SCD5: variants seen among roughly 807,000 people sequenced by gnomAD.
SCD5 encodes the protein stearoyl-CoA desaturase 5.
In SCD5, 20 loss-of-function variants were observed where a neutral mutation model predicts 30.4. The ratio of observed to expected loss-of-function variants is 0.66; its 90% CI spans 0.46 to 0.96. The LOEUF is 0.96. Among genes scored for constraint, SCD5 ranks in the 40% least tolerant of loss-of-function variants. SCD5 has a pLI of 0.00. For synonymous variants in SCD5, 173 were observed against 176.4 expected (o/e 0.98, Z 0.16); for missense variants, 381 against 443.3 (o/e 0.86, Z 1.26).
In SCD5 at chr4:82,715,324, C is replaced by T. The variant is rs549406189; in HGVS notation, c.233-9911G>A. Among the ~76,000 whole-genome samples, 7 of 151,478 alleles carry T rather than the reference C, an allele frequency of 4.6e-5. No individual in the cohort carries two copies. In the South Asian group the frequency reaches 1.2e-3, roughly 27 times the overall value. ...AGTGATAATGAGCGGAAATGGAAGA[C>T]GTTGGGCTGAGTATTCTCCATGCAC... On this transcript the variant is annotated intron_variant, in intron 1 of 4. Transcript: ENST00000319540.
intron 1 of SCD5, among the ~76,000 whole-genome samples, chr4:82,723,332 C>T (rs1321829892): frequency 6.6e-6 from 1 of 152,142 alleles, no homozygotes; most frequent in African/African-American, 2.4e-5. Context: ...GTTCTTTTCA[C>T]AAATCCCTAA....
intron 1 of SCD5, among the ~76,000 whole-genome samples, chr4:82,770,313 T>C (rs191712649): frequency 8.1e-4 from 124 of 152,324 alleles, no homozygotes; most frequent in African/African-American, 2.9e-3. Context: ...AGAATATTCA[T>C]GACATTTTCC....
intron 1 of SCD5, among the ~76,000 whole-genome samples, chr4:82,712,299 T>TACA (rs1560540883): frequency 1.9e-4 from 6 of 31,988 alleles, no homozygotes; most frequent in Non-Finnish European, 3.9e-4. Flanking sequence ...TATATATATT[T>TACA]TATTTTTATT....
intron 3 of SCD5, among the ~76,000 whole-genome samples, chr4:82,640,970 C>T (rs1404953045): frequency 2.0e-5 from 3 of 152,214 alleles, no homozygotes; most frequent in Non-Finnish European, 4.4e-5. Context: ...TTCAACTACA[C>T]AACGCCTTCT....
chr4:82,761,042 T>G (rs1447425647), intron 1 of SCD5, among the ~76,000 whole-genome samples: 6 of 152,224 alleles, frequency 3.9e-5, no homozygotes, highest in African/African-American at 1.4e-4. Flanking sequence ...TTCACAGGGA[T>G]GGGCATGTAT....
At chr4:82,643,130 G>A (rs1352652277) in intron 3 of SCD5, among the ~76,000 whole-genome samples, 1 of 152,208 alleles carries the variant, frequency 6.6e-6, no homozygotes, top group Non-Finnish European at 1.5e-5. Flanking sequence ...TAGCAAGGAT[G>A]TAGAAATACT....
At chr4:82,751,190 G>A (rs1367850029) in intron 1 of SCD5, among the ~76,000 whole-genome samples, 1 of 152,158 alleles carries the variant, frequency 6.6e-6, no homozygotes, top group Non-Finnish European at 1.5e-5. Flanking sequence ...CAGAACAGGA[G>A]TTTTTCATTT....
At chr4:82,662,328 C>G (rs1728030984) in intron 3 of SCD5, among the ~76,000 whole-genome samples, 1 of 152,100 alleles carries the variant, frequency 6.6e-6, no homozygotes, top group African/African-American at 2.4e-5. Flanking sequence ...GCTGGGATAA[C>G]AAGCATGAGC....
At chr4:82,646,068 T>C (rs1019049425) in intron 3 of SCD5, among the ~76,000 whole-genome samples, 1 of 152,122 alleles carries the variant, frequency 6.6e-6, no homozygotes, top group Non-Finnish European at 1.5e-5. Flanking sequence ...GGGGCCAGCC[T>C]GAGGAAATGT....
intron 1 of SCD5, among the ~76,000 whole-genome samples, chr4:82,715,647 C>T (rs896810337): frequency 2.8e-5 from 4 of 140,440 alleles, no homozygotes; most frequent in Non-Finnish European, 6.0e-5. Context: ...ACTGACAAGA[C>T]AGGGGTCATA....
chr4:82,660,404 A>G, intron 3 of SCD5: 1 of 812,748 alleles, frequency 1.2e-6, no homozygotes, highest in Non-Finnish European at 1.5e-6. Flanking sequence ...TCTGGAAATG[A>G]TAGCTTAAAC....
At position 82,798,748 on chromosome 4, in the gene SCD5, T is replaced by C. The variant is rs1560567110; in HGVS notation, c.-211A>G. On this transcript the variant is annotated 5_prime_UTR_variant, in exon 1 of 5. Transcript: ENST00000319540. ...TGCAGATCTTGGCGGCCGGCGTCTG[T>C]TGCTGGCGTATCCCCCATATGGCTG... 8 of 540,784 alleles carry C rather than the reference T, an allele frequency of 1.5e-5. No homozygotes were observed. The highest frequency in any genetic ancestry group is 1.0e-4 in the South Asian group (4 of 40,190). 33.5% of individuals were successfully genotyped at this position (540,784 alleles called of 1,614,324 possible). A position where few individuals can be genotyped will look rare whatever the true frequency, so the allele number is the denominator to read the frequency against.
At chr4:82,727,349 G>A (rs1453742805) in intron 1 of SCD5, among the ~76,000 whole-genome samples, 1 of 152,124 alleles carries the variant, frequency 6.6e-6, no homozygotes, top group Non-Finnish European at 1.5e-5. Flanking sequence ...TGTGTACCCT[G>A]GTCTACCCTT....
intron 1 of SCD5, among the ~76,000 whole-genome samples, chr4:82,712,604 C>T (rs1720136253): frequency 6.6e-6 from 1 of 152,002 alleles, no homozygotes; most frequent in South Asian, 2.1e-4. Context: ...GCGTGAGCCA[C>T]CACACCTGGC....
Position 82,791,063 on chromosome 4 carries a change from C to A in SCD5, c.232+7243G>T, listed in dbSNP as rs528153043. Among the ~76,000 whole-genome samples the A allele has an allele frequency of 7.9e-5, 12 of 152,220 alleles. No individual in the cohort carries two copies. In the South Asian group the frequency reaches 2.1e-3, roughly 26 times the overall value. ...GACCATCCTGGCCAACACGGTGAAA[C>A]CCCATCTCTACTAAAAATAAAAAAA... is the stretch of plus-strand genomic sequence containing the variant. On this transcript the variant is annotated intron_variant, in intron 1 of 4. Coordinates refer to ENST00000319540, the MANE Select transcript of SCD5 (RefSeq NM_001037582.3).
chr4:82,718,881 A>G (rs1720292227), intron 1 of SCD5, among the ~76,000 whole-genome samples: 1 of 151,582 alleles, frequency 6.6e-6, no homozygotes, highest in Non-Finnish European at 1.5e-5. Context: ...GTTCTTATGC[A>G]TAAATTCCAA....
Position 82,666,426 on chromosome 4 carries a change from G to A in SCD5, c.569+14281C>T, listed in dbSNP as rs1328435199. Among the ~76,000 whole-genome samples, 4 of 152,170 alleles carry A rather than the reference G, an allele frequency of 2.6e-5. No homozygotes were observed. In the East Asian group the frequency reaches 7.7e-4, roughly 29 times the overall value. On this transcript the variant is annotated intron_variant, in intron 3 of 4. Transcript: ENST00000319540. ...ACCTACTCGGGAGGCTGAGGCAGGAGAATGGCGTGAACCCGGGAGGCGGAG... is the reference window on the plus strand; with the variant it reads ...ACCTACTCGGGAGGCTGAGGCAGGAAAATGGCGTGAACCCGGGAGGCGGAG...
intron 1 of SCD5, among the ~76,000 whole-genome samples, chr4:82,745,663 C>T (rs768102318): frequency 6.6e-6 from 1 of 152,198 alleles, no homozygotes; most frequent in East Asian, 1.9e-4. Context: ...TCTCCTCCCA[C>T]CCCTGCCCAA....
intron 1 of SCD5, among the ~76,000 whole-genome samples, chr4:82,771,874 T>C (rs1275686077): frequency 6.6e-6 from 1 of 152,206 alleles, no homozygotes; most frequent in African/African-American, 2.4e-5. Context: ...CCACATCTTG[T>C]GAACAGTCCC....
Sources: allele counts gnomAD v4.1 joint callset (sites outside exome capture counted in the v4.1 genomes callset), GRCh38; gene constraint gnomAD v4.1.1; transcripts MANE v1.5; gene names NCBI Gene and HGNC (gene_info 2026-07-23, HGNC 2026-07-21).